The following CAPN6 variants were observed in gnomAD, a reference collection of about 807,000 sequenced individuals.
The protein encoded by CAPN6 is calpain 6.
In CAPN6, 16 loss-of-function variants were observed where a neutral mutation model predicts 46.0. The observed-to-expected ratio is 0.35, with a 90% CI of 0.24 to 0.53. CAPN6 has a LOEUF of 0.53. Ranked by LOEUF, CAPN6 falls within the 20% of genes least tolerant of loss-of-function variation. The probability of loss-of-function intolerance (pLI) is 0.94; values close to 1 mark genes in which losing one functional copy is unlikely to be tolerated. For synonymous variants in CAPN6, 206 were observed against 172.8 expected, an observed-to-expected ratio of 1.19 and a Z score of -1.51; for missense variants, 461 against 498.0, an observed-to-expected ratio of 0.93 and a Z score of 0.71.
At position 111,252,436 on chromosome X, in the gene CAPN6, C is replaced by T. The variant is rs1055402553; in HGVS notation, c.570G>A (p.Thr190=). The change falls in exon 5 of 13, where the codon ACG becomes ACA. Residue 190 remains threonine, a synonymous_variant. Transcript: ENST00000324068. ...LTITDIIVDF[T]GTLAETVDMQ... is the part of the protein sequence containing the mutation. ...TGTCAACAGTTTCAGCCAATGTGCCCGTGAAGTCCACAATAATATCAGTGA... is the reference window on the plus strand; with the variant it reads ...TGTCAACAGTTTCAGCCAATGTGCCTGTGAAGTCCACAATAATATCAGTGA... 5.0e-6 allele frequency: 6 copies of T among 1,209,268 alleles called. No individual in the cohort carries two copies. The highest frequency in any genetic ancestry group is 1.8e-5 in the South Asian group (1 of 56,690).
intron 12 of CAPN6, among the ~76,000 whole-genome samples, 182 bp from the exon 13 acceptor site, chrX:111,246,941 G>A (rs1220029705): frequency 2.7e-5 from 3 of 112,026 alleles, no homozygotes; most frequent in East Asian, 2.8e-4. Flanking sequence ...TACATGAAAA[G>A]CCAGAAAACA....
At chrX:111,253,320 G>T in intron 3 of CAPN6, 104 bp from the exon 4 acceptor site, 1 of 614,909 alleles carries the variant, frequency 1.6e-6, no homozygotes, top group Non-Finnish European at 2.7e-6. Flanking sequence ...CAGGAAGCAT[G>T]CCACATACAC....
rs190325235 is a variant in CAPN6, at chrX:111,260,959, G to A, written c.165+2813C>T. On this transcript the variant is annotated intron_variant, in intron 2 of 12. Transcript: ENST00000324068. Reference sequence around the variant, plus strand: ...GGCCATGTCTGTGTCTTGCACCAAGGCTGGCATAGAGTAAGTGTTCAGTAA... The same window carrying A: ...GGCCATGTCTGTGTCTTGCACCAAGACTGGCATAGAGTAAGTGTTCAGTAA... Among the ~76,000 whole-genome samples the A allele has an allele frequency of 6.2e-5, 7 of 112,742 alleles. No homozygotes were observed. The East Asian group carries it at 1.7e-3, about 27-fold the overall frequency.
chrX:111,261,229 G>T, intron 2 of CAPN6, among the ~76,000 whole-genome samples: 1 of 112,580 alleles, frequency 8.9e-6, no homozygotes, highest in East Asian at 2.8e-4. Context: ...GCAGTCAAAC[G>T]TGGATGCAAA....
At chrX:111,247,739 A>G in intron 11 of CAPN6, 132 bp downstream of exon 11, 5 of 778,375 alleles carry the variant, frequency 6.4e-6, no homozygotes, top group South Asian at 2.7e-5. Flanking sequence ...ATCCTCTGCC[A>G]TGGTTGCCAT....
chrX:111,248,506 G>A, intron 10 of CAPN6, 63 bp downstream of exon 10: 1 of 839,261 alleles, frequency 1.2e-6, no homozygotes, highest in South Asian at 2.1e-5. Context: ...GACGGGTGAA[G>A]GGGTTTAGGA....
intron 8 of CAPN6, among the ~76,000 whole-genome samples, chrX:111,250,339 C>T (rs189135779): frequency 5.4e-5 from 6 of 111,267 alleles, no homozygotes; most frequent in East Asian, 2.8e-4. Context: ...CTGGAGTGTG[C>T]GTGGACTTGA....
At chrX:111,247,586 A>G (rs778607897) in intron 11 of CAPN6, 82 bp from the exon 12 acceptor site, 3 of 1,005,516 alleles carry the variant, frequency 3.0e-6, no homozygotes, top group African/African-American at 1.9e-5. Context: ...CGCTAAGCCA[A>G]TTCTGGGACT....
chrX:111,251,527 G>T (rs1436093979), intron 6 of CAPN6, 22 bp downstream of exon 6: 2 of 1,164,906 alleles, frequency 1.7e-6, no homozygotes, highest in South Asian at 1.8e-5. Flanking sequence ...AGATGTAGCT[G>T]TGAAAGTGGA....
At position 111,260,959 on chromosome X, in the gene CAPN6, G is replaced by T. The variant is rs190325235; in HGVS notation, c.165+2813C>A. ...GGCCATGTCTGTGTCTTGCACCAAG[G>T]CTGGCATAGAGTAAGTGTTCAGTAA... is the stretch of plus-strand genomic sequence containing the variant. On this transcript the variant is annotated intron_variant, in intron 2 of 12. Transcript: ENST00000324068. 2.7e-5 allele frequency among the ~76,000 whole-genome samples: 3 copies of T among 112,690 alleles called. No homozygotes were observed. The Admixed American group carries it at 2.8e-4, about 11-fold the overall frequency.
chrX:111,261,686 G>A (rs1264893355), intron 2 of CAPN6, among the ~76,000 whole-genome samples: 2 of 112,172 alleles, frequency 1.8e-5, no homozygotes, highest in East Asian at 5.7e-4. Context: ...CAAGATAGAG[G>A]GGGAAGGATA....
chrX:111,266,626 T>C (rs2094992197), intron 1 of CAPN6, among the ~76,000 whole-genome samples: 1 of 112,655 alleles, frequency 8.9e-6, no homozygotes, highest in African/African-American at 3.2e-5. Context: ...ATAGCAGTCA[T>C]GTTTAATGAG....
At position 111,252,214 on chromosome X, in the gene CAPN6, G is replaced by C. The variant is rs1007553419; in HGVS notation, c.699+93C>G. ...CAAGTCCCATTAATAGTTTTTCATG[G>C]GTCTTCGGGTTAAGGGCGAATTTCC... is the stretch of plus-strand genomic sequence containing the variant. On this transcript the variant is annotated intron_variant, in intron 5 of 12. Coordinates refer to ENST00000324068, the MANE Select transcript of CAPN6 (RefSeq NM_014289.4). The C allele has an allele frequency of 4.3e-6, 3 of 692,408 alleles. No homozygotes were observed. The African/African-American group carries it at 6.6e-5, about 15-fold the overall frequency. The allele number at this position is 692,408 out of a possible 1,213,427, so 57.1% of individuals were successfully genotyped here. A position where few individuals can be genotyped will look rare whatever the true frequency, so the allele number is the denominator to read the frequency against.
In CAPN6 at chrX:111,252,512, A is replaced by T. The variant is rs1309783602; in HGVS notation, c.507-13T>A. ...ACAGCCTAGCAGCCTGAGGGCAAGT[A>T]TGCAAGGTTATCTTTGTAAAATTGT... On this transcript the variant is annotated splice_polypyrimidine_tract_variant and intron_variant, in intron 4 of 12. Coordinates refer to ENST00000324068, the MANE Select transcript of CAPN6 (RefSeq NM_014289.4). 2 of 1,163,596 alleles carry T rather than the reference A, an allele frequency of 1.7e-6. No homozygotes were observed. The highest frequency in any genetic ancestry group is 3.6e-5 in the African/African-American group (2 of 55,760).
chrX:111,259,440 G>A (rs186579836), intron 2 of CAPN6, among the ~76,000 whole-genome samples: 2 of 112,295 alleles, frequency 1.8e-5, no homozygotes, highest in African/African-American at 6.5e-5. Context: ...TATTAGCACA[G>A]AGAGAAAAGT....
chrX:111,270,251 T>C (rs2094994969), intron 1 of CAPN6, 120 bp downstream of exon 1: 1 of 202,957 alleles, frequency 4.9e-6, no homozygotes, highest in South Asian at 7.4e-5. Flanking sequence ...AGACAAGCCA[T>C]AAAATATAGC....
intron 2 of CAPN6, among the ~76,000 whole-genome samples, chrX:111,256,850 C>T (rs943418987): frequency 2.8e-5 from 3 of 106,044 alleles, no homozygotes; most frequent in Non-Finnish European, 5.9e-5. Flanking sequence ...TTGGGACCCC[C>T]CCCCCCACAA....
At chrX:111,261,088 C>G (rs754574931) in intron 2 of CAPN6, among the ~76,000 whole-genome samples, 1 of 112,344 alleles carries the variant, frequency 8.9e-6, no homozygotes, top group South Asian at 3.7e-4. Context: ...GGCATCAACA[C>G]AGTGAAGAGG....
At position 111,252,915 on chromosome X, in the gene CAPN6, G is replaced by A. The variant is rs1172985417; in HGVS notation, c.506+93C>T. On this transcript the variant is annotated intron_variant, in intron 4 of 12. Transcript: ENST00000324068. Reference sequence around the variant, plus strand: ...GACATCTTACCCAACTTAAACTCCAGGGTTGGGCTGGGAGAGAATGAGCTC... The same window carrying A: ...GACATCTTACCCAACTTAAACTCCAAGGTTGGGCTGGGAGAGAATGAGCTC... 4 of 726,875 alleles carry A rather than the reference G, an allele frequency of 5.5e-6. No homozygotes were observed. In the African/African-American group the frequency reaches 8.6e-5, roughly 16 times the overall value. 59.9% of individuals were successfully genotyped at this position (726,875 alleles called of 1,213,427 possible).
Sources: allele counts gnomAD v4.1 joint callset (sites outside exome capture counted in the v4.1 genomes callset), GRCh38; gene constraint gnomAD v4.1.1; transcripts MANE v1.5; gene names NCBI Gene and HGNC (gene_info 2026-07-23, HGNC 2026-07-21).